The following OIP5 variants were observed in gnomAD, a reference collection of about 807,000 sequenced individuals.
OIP5 encodes the protein protein Mis18-beta.
Under a neutral mutation model 20.3 loss-of-function variants are expected in OIP5, and 24 were observed. That is an observed-to-expected ratio of 1.18 (90% CI 0.86 to 1.66). The LOEUF (loss-of-function observed/expected upper bound fraction) is 1.66. Among genes scored for constraint, OIP5 ranks in the 40% most tolerant of loss-of-function variants. The pLI is 0.00. For synonymous variants in OIP5, 143 were observed against 121.3 expected (o/e 1.18, Z -1.17); for missense variants, 339 against 289.5 (o/e 1.17, Z -1.24).
intron 2 of OIP5, among the ~76,000 whole-genome samples, chr15:41,326,587 T>C (rs879808506): frequency 6.6e-6 from 1 of 152,144 alleles, no homozygotes; most frequent in African/African-American, 2.4e-5. Context: ...ACCACCACGC[T>C]TGGCTAATTT....
chr15:41,331,797 A>G (rs1595506329), intron 2 of OIP5, 118 bp downstream of exon 2: 3 of 819,296 alleles, frequency 3.7e-6, no homozygotes, highest in East Asian at 2.5e-5. Context: ...AAGTTCATAT[A>G]AGAGTCAAAC....
intron 3 of OIP5, 30 bp from the exon 4 acceptor site, chr15:41,313,384 T>C: frequency 8.3e-7 from 1 of 1,209,534 alleles, no homozygotes; most frequent in East Asian, 2.3e-5. Flanking sequence ...AATATTAGTG[T>C]CATACCATGG....
At chr15:41,316,789 CAAAAAAA>C (rs11385589) in intron 3 of OIP5, among the ~76,000 whole-genome samples, 2 of 61,912 alleles carry the variant, frequency 3.2e-5, no homozygotes, top group East Asian at 1.2e-3. Flanking sequence ...GACTCCATCT[CAAAAAAA>C]AAAAAAAAAA....
At chr15:41,331,529 G>A (rs2047913353) in intron 2 of OIP5, among the ~76,000 whole-genome samples, 1 of 152,200 alleles carries the variant, frequency 6.6e-6, no homozygotes, top group Non-Finnish European at 1.5e-5. Context: ...GGGCTGTAGT[G>A]AGCTATGAGC....
At position 41,320,430 on chromosome 15, in the gene OIP5, G is replaced by A. The variant is rs118019721; in HGVS notation, c.390-650C>T. ...GTGCCTGCGATTGCAGGCACGCGCCGCCACACTTGACAGGTTTTCATATTT... is the reference window on the plus strand; with the variant it reads ...GTGCCTGCGATTGCAGGCACGCGCCACCACACTTGACAGGTTTTCATATTT... On this transcript the variant is annotated intron_variant, in intron 2 of 4. Transcript: ENST00000220514. Among the ~76,000 whole-genome samples, 854 of 152,234 alleles carry A rather than the reference G, an allele frequency of 5.6e-3. 27 individuals carry two copies. The East Asian group carries it at 0.057, about 10-fold the overall frequency.
chr15:41,317,299 G>A (rs1375724060), intron 3 of OIP5, among the ~76,000 whole-genome samples: 3 of 151,748 alleles, frequency 2.0e-5, no homozygotes, highest in African/African-American at 2.4e-5. Context: ...CTATCTACAC[G>A]TAACTGGTAT....
At chr15:41,332,040 C>G in intron 1 of OIP5, 59 bp from the exon 2 acceptor site, 4 of 1,522,698 alleles carry the variant, frequency 2.6e-6, no homozygotes, top group Non-Finnish European at 2.7e-6. Flanking sequence ...TGGAAAATCT[C>G]TCCTCTAGAC....
At chr15:41,322,975 T>A (rs907444648) in intron 2 of OIP5, among the ~76,000 whole-genome samples, 3 of 151,824 alleles carry the variant, frequency 2.0e-5, no homozygotes, top group African/African-American at 7.3e-5. Flanking sequence ...AAAAGAAATA[T>A]TCATGTCAGT....
At chr15:41,332,149 T>C (rs1595506793) in intron 1 of OIP5, 91 bp downstream of exon 1, 1 of 1,423,916 alleles carries the variant, frequency 7.0e-7, no homozygotes. Flanking sequence ...CCCGTTTTCT[T>C]CCCCAGGTGG....
intron 2 of OIP5, among the ~76,000 whole-genome samples, chr15:41,320,259 CTCTCCCTCTCCCTCCTCTCCCCACGG>C (rs1322038893): frequency 1.2e-4 from 18 of 151,944 alleles, no homozygotes; most frequent in East Asian, 9.7e-4. Context: ...AAAATGCGCC[CTCTCCCTCTCCCTCCTCTCCCCACGG>C]TCTCCCTCTC....
intron 4 of OIP5, among the ~76,000 whole-genome samples, chr15:41,311,826 A>ACAACAACCTCT (rs1555423859): frequency 1.4e-5 from 2 of 144,716 alleles, no homozygotes; most frequent in Admixed American, 6.9e-5. Flanking sequence ...TCGGCTTCTC[A>ACAACAACCTCT]AAGTGCTGGG....
At chr15:41,324,671 T>G (rs1202813254) in intron 2 of OIP5, among the ~76,000 whole-genome samples, 1 of 152,116 alleles carries the variant, frequency 6.6e-6, no homozygotes, top group Non-Finnish European at 1.5e-5. Context: ...GTATTTTTAG[T>G]AGAGATGGGG....
At chr15:41,315,571 G>C (rs1218079076) in intron 3 of OIP5, among the ~76,000 whole-genome samples, 4 of 152,066 alleles carry the variant, frequency 2.6e-5, no homozygotes, top group African/African-American at 9.7e-5. Context: ...CCGAATCCAA[G>C]AGGAAAAGGC....
At chr15:41,315,735 C>T (rs1440925865) in intron 3 of OIP5, among the ~76,000 whole-genome samples, 2 of 152,152 alleles carry the variant, frequency 1.3e-5, no homozygotes, top group Admixed American at 6.6e-5. Context: ...GCAATTATTG[C>T]TTCTCTAGAA....
rs774144680 is a variant in OIP5, at chr15:41,316,560, C to T, written c.512+3098G>A. Among the ~76,000 whole-genome samples the T allele has an allele frequency of 6.6e-5, 10 of 151,904 alleles. No homozygotes were observed. The East Asian group carries it at 1.2e-3, about 18-fold the overall frequency. ...ATCCCAGCACCTTAGGAGGCCAAGG[C>T]GGGCGGATCACGAGGTCAAGGAGAT... On this transcript the variant is annotated intron_variant, in intron 3 of 4. Coordinates refer to ENST00000220514, the MANE Select transcript of OIP5 (RefSeq NM_007280.2).
intron 2 of OIP5, among the ~76,000 whole-genome samples, chr15:41,321,000 C>T (rs1449618130): frequency 1.3e-5 from 2 of 149,660 alleles, no homozygotes; most frequent in African/African-American, 2.5e-5. Flanking sequence ...TGAGGAGCGT[C>T]TCTGCCCGGC....
chr15:41,321,969 G>C (rs999275522), intron 2 of OIP5, among the ~76,000 whole-genome samples: 3 of 151,574 alleles, frequency 2.0e-5, no homozygotes, highest in Non-Finnish European at 4.4e-5. Flanking sequence ...AAAATGCGCA[G>C]ACTAAAAGAG....
At chr15:41,331,132 A>G (rs1406280190) in intron 2 of OIP5, among the ~76,000 whole-genome samples, 1 of 152,206 alleles carries the variant, frequency 6.6e-6, no homozygotes, top group East Asian at 1.9e-4. Flanking sequence ...CGTTGAATCA[A>G]ACTGGTCAGA....
chr15:41,323,097 C>A (rs1284651986), intron 2 of OIP5, among the ~76,000 whole-genome samples: 2 of 152,002 alleles, frequency 1.3e-5, no homozygotes, highest in Non-Finnish European at 2.9e-5. Flanking sequence ...AACCAAAAAG[C>A]AAAATATGAA....
Sources: gnomAD v4.1 joint callset for allele counts (sites outside exome capture counted in the v4.1 genomes callset) on GRCh38, gnomAD v4.1.1 for gene constraint, MANE v1.5 for transcripts, NCBI Gene and HGNC (gene_info 2026-07-23, HGNC 2026-07-21) for gene names.